Variants in PRDM10 observed in about 807,000 individuals in gnomAD.
PRDM10 encodes the protein PR/SET domain 10, also known as PR domain zinc finger protein 10.
Under a neutral mutation model 133.1 loss-of-function variants are expected in PRDM10, and 65 were observed. The observed-to-expected ratio is 0.49, with a 90% CI of 0.40 to 0.60. The LOEUF (loss-of-function observed/expected upper bound fraction) is 0.60, where lower values mean the gene tolerates loss of function less well. PRDM10 is among the 20% of genes least tolerant of loss of function. The pLI, the probability that PRDM10 is intolerant of heterozygous loss-of-function variation, is 0.00. For synonymous variants in PRDM10, 582 were observed against 580.4 expected, an observed-to-expected ratio of 1.00 and a Z score of -0.04; for missense variants, 1,137 against 1,507.1, an observed-to-expected ratio of 0.75 and a Z score of 4.07.
chr11:129,906,983 GAAAAAGAAAAAAAA>G (rs1950035213), intron 19 of PRDM10, among the ~76,000 whole-genome samples: 1 of 75,556 alleles, frequency 1.3e-5, no homozygotes, highest in Non-Finnish European at 2.5e-5. Context: ...ATTTCAAAAA[GAAAAAGAAAAAAAA>G]AAAAAGAATA....
At chr11:129,958,039 G>A (rs1342835292) in intron 2 of PRDM10, 129 bp from the exon 3 acceptor site, 4 of 1,074,036 alleles carry the variant, frequency 3.7e-6, no homozygotes, top group Non-Finnish European at 5.3e-6. Context: ...TCTACACCGA[G>A]GTGGTGACTA....
At chr11:129,950,356 C>G (rs773100638) in intron 4 of PRDM10, among the ~76,000 whole-genome samples, 9 of 152,218 alleles carry the variant, frequency 5.9e-5, no homozygotes, top group Non-Finnish European at 8.8e-5. Context: ...GAAAGCAGAT[C>G]AAACCGGTTA....
chr11:129,923,587 TA>T lies in PRDM10; in HGVS notation c.1879-185del, dbSNP rs1242923310. Among the ~76,000 whole-genome samples the T allele has an allele frequency of 3.8e-5, 5 of 131,156 alleles. No homozygotes were observed. Among genetic ancestry groups the T allele is most frequent in the Admixed American group, 3.5e-4 (4 of 11,318 alleles). The allele number at this position is 131,156 out of a possible 152,430, so 86.0% of individuals were successfully genotyped here. The stretch of plus-strand genomic sequence containing the variant: ...ACATACTGTCCCTGTCACAAAGAAA[TA>T]AAACAAGTAGCCAGAAAGCCTTAGA... On this transcript the variant is annotated intron_variant, in intron 12 of 20. Coordinates refer to ENST00000360871, the MANE Select transcript of PRDM10 (RefSeq NM_199437.2). The surrounding 1 kb of genome is among the most constrained non-coding windows in gnomAD (Gnocchi z 4.4).
Position 129,914,984 on chromosome 11 carries a change from G to A in PRDM10, c.2561C>T (p.Pro854Leu). 6.2e-7 allele frequency: 1 copy of A among 1,605,546 alleles called. No homozygotes were observed. Among genetic ancestry groups the A allele is most frequent in the Non-Finnish European group, 8.5e-7 (1 of 1,172,650 alleles). The part of the protein sequence containing the change: ...KMVQHIRKKH[P>L]EFAQLSNTIH... ...GGTGTTGGAGAGCTGGGCGAACTCT[G>A]GATGCTTCTTTCGAATGTGCTGGAC... Residue 854 changes from proline to leucine, a missense_variant, in exon 17 of 21, where the codon CCA becomes CTA. Transcript: ENST00000360871.
At chr11:129,948,209 C>G in intron 4 of PRDM10, 2 of 407,680 alleles carry the variant, frequency 4.9e-6, no homozygotes, top group Non-Finnish European at 9.7e-6. Flanking sequence ...TCTCCTGCCT[C>G]CAATCTAAGT....
Position 129,937,675 on chromosome 11 carries a change from A to C in PRDM10, c.967-5T>G. 1 of 1,612,014 alleles carries C rather than the reference A, an allele frequency of 6.2e-7. No homozygotes were observed. The highest frequency in any genetic ancestry group is 8.5e-7 in the Non-Finnish European group (1 of 1,179,402). ...ATAGGATGCGGCATACCACACCTGC[A>C]AGAAGCAAGTATATCATCAAGAACT... On this transcript the variant is annotated splice_polypyrimidine_tract_variant and splice_region_variant and intron_variant, in intron 7 of 20. Coordinates refer to ENST00000360871, the MANE Select transcript of PRDM10 (RefSeq NM_199437.2).
Position 129,900,646 on chromosome 11 carries a change from G to A in PRDM10, c.*1667C>T, listed in dbSNP as rs1252746036. 6.6e-6 allele frequency: 1 copy of A among 152,214 alleles called. No individual in the cohort carries two copies. 9.4% of individuals were successfully genotyped at this position (152,214 alleles called of 1,614,324 possible). On this transcript the variant is annotated 3_prime_UTR_variant, in exon 21 of 21. Coordinates refer to ENST00000360871, the MANE Select transcript of PRDM10 (RefSeq NM_199437.2). ...AAAGTCTTTCTAGACCGGACACTAG[G>A]ATATTTGTAATCATTACACTGTGGG... is the stretch of plus-strand genomic sequence containing the variant.
At position 129,937,946 on chromosome 11, in the gene PRDM10, A is replaced by G. The variant is rs192800299; in HGVS notation, c.967-276T>C. Among the ~76,000 whole-genome samples the G allele has an allele frequency of 5.9e-3, 901 of 152,326 alleles. 2 individuals carry two copies. The highest frequency in any genetic ancestry group is 9.8e-3 in the Non-Finnish European group (666 of 68,020). ...AAGAATTATAATCATAGTCTCTTCA[A>G]CTAAATAAAACAGCCTCCCCTGATT... On this transcript the variant is annotated intron_variant, in intron 7 of 20. Transcript: ENST00000360871.
chr11:129,907,529 T>C (rs777380926), intron 19 of PRDM10, among the ~76,000 whole-genome samples: 2 of 151,930 alleles, frequency 1.3e-5, no homozygotes, highest in African/African-American at 2.4e-5. Flanking sequence ...CTTGGCCTCC[T>C]GAGTAACTGG....
In PRDM10 at chr11:129,910,643, G is replaced by C. The variant is rs765198059; in HGVS notation, c.2996C>G (p.Pro999Arg). 4 of 1,578,186 alleles carry C rather than the reference G, an allele frequency of 2.5e-6. No homozygotes were observed. The South Asian group carries it at 4.6e-5, about 18-fold the overall frequency. ...APSSAQVSGQ[P>R]LSPSAQQAQQ... ...AGCCTGCTGGGCTGAGGGACTCAACGGCTGCCCAGATACCTGGGGAGAAAG... is the reference window on the plus strand; with the variant it reads ...AGCCTGCTGGGCTGAGGGACTCAACCGCTGCCCAGATACCTGGGGAGAAAG... The change falls in exon 19 of 21, where the codon CCG becomes CGG. Residue 999 changes from proline to arginine, a missense_variant. Physicochemically the swap from Pro to Arg is moderately radical, Grantham distance 103. This residue lies in a region of PRDM10 where 243 missense variants were observed against 259.2 expected (regional missense o/e 0.94). Coordinates refer to ENST00000360871, the MANE Select transcript of PRDM10 (RefSeq NM_199437.2).
At chr11:129,912,520 G>A (rs888625461) in intron 17 of PRDM10, among the ~76,000 whole-genome samples, 1 of 152,184 alleles carries the variant, frequency 6.6e-6, no homozygotes, top group African/African-American at 2.4e-5. Flanking sequence ...GGGAGGCCAA[G>A]GCGGGTGGAT....
chr11:129,961,470 A>G (rs1195991484), intron 1 of PRDM10, among the ~76,000 whole-genome samples: 4 of 152,042 alleles, frequency 2.6e-5, no homozygotes, highest in Non-Finnish European at 5.9e-5. Context: ...ATGCCCAGCT[A>G]ATTTTTTATA....
At chr11:129,903,714 T>G (rs1421530251) in intron 20 of PRDM10, among the ~76,000 whole-genome samples, 1 of 152,134 alleles carries the variant, frequency 6.6e-6, no homozygotes, top group Admixed American at 6.5e-5. Flanking sequence ...CAAATACCCA[T>G]TTGATTCCAC....
intron 11 of PRDM10, chr11:129,929,520 T>C (rs947294656): frequency 1.9e-6 from 2 of 1,058,474 alleles, no homozygotes; most frequent in African/African-American, 1.6e-5. Flanking sequence ...ATAGAAAAGA[T>C]GAAAAAATAC....
At chr11:129,924,635 A>G (rs940515016) in intron 12 of PRDM10, among the ~76,000 whole-genome samples, 2 of 152,210 alleles carry the variant, frequency 1.3e-5, no homozygotes, top group Non-Finnish European at 2.9e-5. Flanking sequence ...TAAAAATTAT[A>G]ATAGATCTGG....
intron 4 of PRDM10, among the ~76,000 whole-genome samples, chr11:129,951,823 T>C (rs1951589317): frequency 1.3e-5 from 2 of 152,110 alleles, no homozygotes. Flanking sequence ...CACTGATGCC[T>C]TTCTTAAGGA....
intron 1 of PRDM10, among the ~76,000 whole-genome samples, chr11:129,967,173 G>A (rs949288476): frequency 2.0e-5 from 3 of 152,048 alleles, no homozygotes; most frequent in Admixed American, 2.0e-4. Flanking sequence ...GGTGGATCAC[G>A]AGGTCAGGAG....
At chr11:129,992,308 A>G (rs534652316) in intron 1 of PRDM10, among the ~76,000 whole-genome samples, 84 of 152,384 alleles carry the variant, frequency 5.5e-4, no homozygotes, top group Non-Finnish European at 1.0e-3. Flanking sequence ...TTATAGCTAC[A>G]GGCATTTATG....
intron 20 of PRDM10, among the ~76,000 whole-genome samples, chr11:129,903,071 G>A (rs1949891556): frequency 6.6e-6 from 1 of 151,990 alleles, no homozygotes; most frequent in South Asian, 2.1e-4. Flanking sequence ...AAGGTGGGCG[G>A]ATCACCTGAG....
Sources: allele counts gnomAD v4.1 joint callset (sites outside exome capture counted in the v4.1 genomes callset), GRCh38; gene constraint gnomAD v4.1.1; regional missense constraint gnomAD v4.1.1; non-coding constraint Gnocchi (gnomAD v3.1); transcripts MANE v1.5; gene names NCBI Gene and HGNC (gene_info 2026-07-23, HGNC 2026-07-21).